SRBD1: variants seen among roughly 807,000 people sequenced by gnomAD.
SRBD1 encodes the protein S1 RNA binding domain 1, also known as S1 RNA-binding domain-containing protein 1.
SRBD1 carries 88 observed loss-of-function variants against 115.3 expected under a neutral mutation model. The ratio of observed to expected loss-of-function variants is 0.76; its 90% CI spans 0.64 to 0.91. The LOEUF (loss-of-function observed/expected upper bound fraction) is 0.91. Among genes scored for constraint, SRBD1 ranks in the 40% least tolerant of loss-of-function variants. The pLI, the probability that SRBD1 is intolerant of heterozygous loss-of-function variation, is 0.00. For missense variants in SRBD1, 1,385 were observed against 1,177.4 expected, an observed-to-expected ratio of 1.18 and a Z score of -2.58; for synonymous variants, 509 against 407.7, an observed-to-expected ratio of 1.25 and a Z score of -2.99.
chr2:45,556,915 T>A (rs899940370), intron 10 of SRBD1, among the ~76,000 whole-genome samples: 1 of 152,088 alleles, frequency 6.6e-6, no homozygotes, highest in Non-Finnish European at 1.5e-5. Flanking sequence ...TCTATGTAAG[T>A]TTTTGCTGCT....
chr2:45,562,676 G>T lies in SRBD1; in HGVS notation c.1386C>A (p.Phe462Leu). Reference protein sequence around the residue: ...VNISDGVKDEFCRWCIQNRWR... With the variant: ...VNISDGVKDELCRWCIQNRWR... ...ACCTGTTTTGGATGCACCACCTACA[G>T]AATTCATCCTTCACTCCATCAGAAA... The change falls in exon 10 of 21, where the codon TTC (phenylalanine) becomes TTA (leucine). Residue 462 changes from phenylalanine (F) to leucine (L), a missense_variant. Phe to Leu is a conservative substitution (Grantham distance 22). Transcript: ENST00000263736. 6.2e-7 allele frequency: 1 copy of T among 1,609,814 alleles called. No individual in the cohort carries two copies. The highest frequency in any genetic ancestry group is 8.5e-7 in the Non-Finnish European group (1 of 1,178,950).
intron 14 of SRBD1, among the ~76,000 whole-genome samples, chr2:45,542,289 C>T (rs868002635): frequency 3.9e-5 from 6 of 152,228 alleles, no homozygotes; most frequent in Non-Finnish European, 7.3e-5. Context: ...TGTTCTGGAG[C>T]GGGTGCTGGG....
chr2:45,428,554 A>C (rs939924443), intron 16 of SRBD1, among the ~76,000 whole-genome samples: 1 of 151,094 alleles, frequency 6.6e-6, no homozygotes, highest in Non-Finnish European at 1.5e-5. Flanking sequence ...TCCGTCTCAA[A>C]AAAATAAATA....
intron 14 of SRBD1, among the ~76,000 whole-genome samples, chr2:45,504,144 A>G (rs1456902494): frequency 1.3e-5 from 2 of 152,168 alleles, no homozygotes; most frequent in South Asian, 4.1e-4. Flanking sequence ...TGGATTTTAC[A>G]TATCTACTAG....
Position 45,599,754 on chromosome 2 carries a change from T to C in SRBD1, c.343A>G (p.Lys115Glu), listed in dbSNP as rs780139343. 2.5e-6 allele frequency: 4 copies of C among 1,614,230 alleles called. No individual in the cohort carries two copies. In the Admixed American group the frequency reaches 6.7e-5, roughly 27 times the overall value. Residue 115 changes from lysine to glutamate, a missense_variant, in exon 4 of 21, where the codon AAG (lysine) becomes GAG (glutamate). Coordinates refer to ENST00000263736, the MANE Select transcript of SRBD1 (RefSeq NM_018079.5). ...TGCGCTGCACATTTCTGTTTTGTCT[T>C]GGCTGTTTTCAGAGTCTGTACAGTA... Reference protein sequence around the residue: ...LDTVQTLKTAKTKQKCAAQPH... With the variant: ...LDTVQTLKTAETKQKCAAQPH...
At position 45,585,661 on chromosome 2, in the gene SRBD1, A is replaced by T; in HGVS notation, c.762T>A (p.Asn254Lys). 6.2e-7 allele frequency: 1 copy of T among 1,612,350 alleles called. No individual in the cohort carries two copies. The highest frequency in any genetic ancestry group is 1.1e-5 in the South Asian group (1 of 90,616). The change falls in exon 5 of 21, where the codon AAT becomes AAA. Residue 254 changes from asparagine (N) to lysine (K), a missense_variant. By Grantham distance (94) the Asn-to-Lys change is moderately conservative. Transcript: ENST00000263736. ...FIIRYRKELI[N>K]NLDADSLREV... is the part of the protein sequence containing the mutation. Reference sequence around the variant, plus strand: ...CTCTCAAGGAATCAGCATCAAGGTTATTAATGAGCTCTTTTCTATAACGTA... The same window carrying T: ...CTCTCAAGGAATCAGCATCAAGGTTTTTAATGAGCTCTTTTCTATAACGTA...
chr2:45,409,398 A>G (rs565983647), intron 19 of SRBD1, among the ~76,000 whole-genome samples: 1 of 151,804 alleles, frequency 6.6e-6, no homozygotes, highest in African/African-American at 2.4e-5. Context: ...TGGAACCACA[A>G]TTTTTTTTAT....
intron 14 of SRBD1, among the ~76,000 whole-genome samples, chr2:45,540,801 T>G (rs1418757828): frequency 6.6e-6 from 1 of 152,144 alleles, no homozygotes; most frequent in Non-Finnish European, 1.5e-5. Context: ...AAATGCAGAT[T>G]AAAACCACAA....
At chr2:45,576,203 T>A (rs373429857) in intron 7 of SRBD1, among the ~76,000 whole-genome samples, 1 of 152,204 alleles carries the variant, frequency 6.6e-6, no homozygotes, top group Non-Finnish European at 1.5e-5. Flanking sequence ...TCCACTTCCA[T>A]TTAATAAACA....
At chr2:45,483,541 T>C (rs1670027587) in intron 15 of SRBD1, among the ~76,000 whole-genome samples, 1 of 152,148 alleles carries the variant, frequency 6.6e-6, no homozygotes, top group African/African-American at 2.4e-5. Context: ...TTCAGTTCTA[T>C]GAAATATCTA....
chr2:45,418,277 G>C, intron 18 of SRBD1, 88 bp downstream of exon 18: 1 of 1,481,234 alleles, frequency 6.8e-7, no homozygotes, highest in Non-Finnish European at 9.1e-7. Context: ...TGGACACTTA[G>C]AAAATTTTAC....
chr2:45,457,860 G>T (rs1297574330), intron 16 of SRBD1, among the ~76,000 whole-genome samples: 1 of 151,928 alleles, frequency 6.6e-6, no homozygotes, highest in African/African-American at 2.4e-5. Context: ...GTAAACTTCA[G>T]ATGAAAAACA....
rs181711254 is a variant in SRBD1, at chr2:45,509,950, G to C, written c.1875-21619C>G. Among the ~76,000 whole-genome samples, 11 of 152,272 alleles carry C rather than the reference G, an allele frequency of 7.2e-5. No homozygotes were observed. In the East Asian group the frequency reaches 2.1e-3, roughly 29 times the overall value. On this transcript the variant is annotated intron_variant, in intron 14 of 20. Transcript: ENST00000263736. The stretch of plus-strand genomic sequence containing the variant: ...AGGTCTCACTACGTTGCCCAGGCTG[G>C]TCTCAAACTCCTGAGCTCAAGTGAT...
chr2:45,504,357 AT>A (rs1209198554), intron 14 of SRBD1, among the ~76,000 whole-genome samples: 2 of 152,078 alleles, frequency 1.3e-5, no homozygotes, highest in Non-Finnish European at 2.9e-5. Flanking sequence ...CTTTTAGGGC[AT>A]TTTTTCATCC....
rs138134756 is a variant in SRBD1, at chr2:45,401,275, T to G, written c.2514-8146A>C. 8.6e-3 allele frequency among the ~76,000 whole-genome samples: 1,307 copies of G among 152,276 alleles called. 6 individuals carry two copies. Among genetic ancestry groups the G allele is most frequent in the Non-Finnish European group, 0.014 (942 of 68,012 alleles). ...AGCCTGGGCAACATAGAGAGACTGCTGTATCTTTAAAAACAAAATTAACTT... is the reference window on the plus strand; with the variant it reads ...AGCCTGGGCAACATAGAGAGACTGCGGTATCTTTAAAAACAAAATTAACTT... On this transcript the variant is annotated intron_variant, in intron 19 of 20. Coordinates refer to ENST00000263736, the MANE Select transcript of SRBD1 (RefSeq NM_018079.5).
intron 16 of SRBD1, among the ~76,000 whole-genome samples, chr2:45,438,612 A>G (rs1668570281): frequency 6.6e-6 from 1 of 150,772 alleles, no homozygotes; most frequent in Non-Finnish European, 1.5e-5. Flanking sequence ...AGCAGATTGG[A>G]GTAGAAAAAT....
chr2:45,569,113 A>G (rs927039321), intron 9 of SRBD1: 4 of 151,636 alleles, frequency 2.6e-5, no homozygotes, highest in African/African-American at 9.7e-5. Context: ...GATAATTCAC[A>G]CTCTTCATGT....
At chr2:45,463,600 T>A (rs192121169) in intron 16 of SRBD1, among the ~76,000 whole-genome samples, 177 of 152,318 alleles carry the variant, frequency 1.2e-3, no homozygotes, top group African/African-American at 4.1e-3. Flanking sequence ...GTTCTCAACA[T>A]TTTTTCTAAT....
chr2:45,549,696 C>CAAAAAAAAAAAAAAAAAA (rs10646755), intron 12 of SRBD1, among the ~76,000 whole-genome samples: 1 of 84,744 alleles, frequency 1.2e-5, no homozygotes, highest in Non-Finnish European at 2.2e-5. Context: ...ACTAAAAATA[C>CAAAAAAAAAAAAAAAAAA]AAAAAAAAAA....
Sources: allele counts gnomAD v4.1 joint callset (sites outside exome capture counted in the v4.1 genomes callset), GRCh38; gene constraint gnomAD v4.1.1; transcripts MANE v1.5; gene names NCBI Gene and HGNC (gene_info 2026-07-23, HGNC 2026-07-21).